Variants in SNX4 observed in about 807,000 individuals in gnomAD.
The protein encoded by SNX4 is sorting nexin-4.
Under a neutral mutation model 70.8 loss-of-function variants are expected in SNX4, and 49 were observed. The ratio of observed to expected loss-of-function variants is 0.69; its 90% CI spans 0.55 to 0.88. SNX4 has a LOEUF of 0.88. Ranked by LOEUF, SNX4 falls within the 40% of genes least tolerant of loss-of-function variation. The pLI is 0.00. For missense variants in SNX4, 528 were observed against 544.8 expected, an observed-to-expected ratio of 0.97 and a Z score of 0.31; for synonymous variants, 206 against 183.8, an observed-to-expected ratio of 1.12 and a Z score of -0.98.
At chr3:125,464,353 A>C (rs922428386) in intron 9 of SNX4, among the ~76,000 whole-genome samples, 1 of 151,966 alleles carries the variant, frequency 6.6e-6, no homozygotes. Context: ...CCTTCTTAAC[A>C]ATGTTTTCCA....
intron 1 of SNX4, among the ~76,000 whole-genome samples, chr3:125,509,490 G>A (rs887308352): frequency 6.6e-6 from 1 of 152,022 alleles, no homozygotes; most frequent in Non-Finnish European, 1.5e-5. Context: ...GGTGGCTCAC[G>A]CCTGTAATCC....
intron 5 of SNX4, among the ~76,000 whole-genome samples, chr3:125,495,303 T>C (rs1039187747): frequency 4.9e-5 from 5 of 101,212 alleles, no homozygotes; most frequent in Non-Finnish European, 8.9e-5. Flanking sequence ...CACACGTATG[T>C]TATTTACATA....
intron 5 of SNX4, 61 bp from the exon 6 acceptor site, chr3:125,489,524 T>C (rs1327906582): frequency 2.2e-6 from 3 of 1,351,892 alleles, no homozygotes; most frequent in African/African-American, 1.4e-5. Context: ...ATTCAAACAA[T>C]TTTACTTTCC....
At chr3:125,505,805 T>C (rs1935032207) in intron 1 of SNX4, among the ~76,000 whole-genome samples, 1 of 152,196 alleles carries the variant, frequency 6.6e-6, no homozygotes, top group Non-Finnish European at 1.5e-5. Context: ...GTTAAAAACT[T>C]GGACCTTCAG....
At chr3:125,479,302 C>G (rs1432421093) in intron 7 of SNX4, among the ~76,000 whole-genome samples, 1 of 152,020 alleles carries the variant, frequency 6.6e-6, no homozygotes, top group East Asian at 1.9e-4. Context: ...GACTATAATC[C>G]CAGCTCTTTG....
chr3:125,494,697 A>C (rs915816808), intron 5 of SNX4, among the ~76,000 whole-genome samples: 3 of 152,198 alleles, frequency 2.0e-5, no homozygotes, highest in African/African-American at 7.2e-5. Context: ...ATTTTGAACA[A>C]ACAATCCCAT....
chr3:125,484,472 C>T (rs1559817876), intron 6 of SNX4, among the ~76,000 whole-genome samples: 1 of 152,030 alleles, frequency 6.6e-6, no homozygotes, highest in East Asian at 1.9e-4. Flanking sequence ...CCAGGCTGCC[C>T]TCGAACTTCT....
At chr3:125,492,107 C>CAAAAAAAAAAAAAAAAAAAAAA (rs60558490) in intron 5 of SNX4, among the ~76,000 whole-genome samples, 1 of 47,398 alleles carries the variant, frequency 2.1e-5, no homozygotes, top group Non-Finnish European at 4.0e-5. Context: ...GACTCCATCT[C>CAAAAAAAAAAAAAAAAAAAAAA]AAAAAAAAAA....
chr3:125,517,574 G>C lies in SNX4; in HGVS notation c.141+2458C>G, dbSNP rs529459329. On this transcript the variant is annotated intron_variant, in intron 1 of 13. Transcript: ENST00000251775. ...TCTTTGAGGGGAGAGGAGGGGAAGG[G>C]GAAGGAATGCACTGAATGTATGTTT... Among the ~76,000 whole-genome samples, 16 of 152,314 alleles carry C rather than the reference G, an allele frequency of 1.1e-4. No homozygotes were observed. The South Asian group carries it at 3.1e-3, about 30-fold the overall frequency.
intron 12 of SNX4, among the ~76,000 whole-genome samples, chr3:125,453,068 C>T (rs914447032): frequency 4.6e-5 from 7 of 152,178 alleles, no homozygotes; most frequent in Non-Finnish European, 8.8e-5. Context: ...AAAAATGAGT[C>T]AAACAGTGAT....
chr3:125,451,031 C>T lies in SNX4; in HGVS notation c.1305+274G>A, dbSNP rs565524096. On this transcript the variant is annotated intron_variant, in intron 13 of 13. Transcript: ENST00000251775. Reference sequence around the variant, plus strand: ...CTGTAATTGCAGCACTTTGGGAGGCCGAGGCAGGAGGACTATATGAGGCCA... The same window carrying T: ...CTGTAATTGCAGCACTTTGGGAGGCTGAGGCAGGAGGACTATATGAGGCCA... Among the ~76,000 whole-genome samples, 92 of 151,904 alleles carry T rather than the reference C, an allele frequency of 6.1e-4. 1 individual carries two copies. The highest frequency in any genetic ancestry group is 4.3e-3 in the Admixed American group (66 of 15,224).
intron 13 of SNX4, among the ~76,000 whole-genome samples, chr3:125,449,549 A>AT (rs1376209102): frequency 6.6e-6 from 1 of 152,190 alleles, no homozygotes. Flanking sequence ...ATAAAAATCT[A>AT]TATCACTTAG....
chr3:125,487,603 G>A (rs528553573), intron 6 of SNX4, among the ~76,000 whole-genome samples: 66 of 151,984 alleles, frequency 4.3e-4, no homozygotes, highest in African/African-American at 1.5e-3. Flanking sequence ...TTTTTTTGAG[G>A]GTGACTTATA....
In SNX4 at chr3:125,497,889, A is replaced by G. The variant is rs1473076703; in HGVS notation, c.494T>C (p.Ile165Thr). The G allele has an allele frequency of 1.1e-5, 17 of 1,614,020 alleles. No individual in the cohort carries two copies. The highest frequency in any genetic ancestry group is 1.4e-5 in the Non-Finnish European group (17 of 1,179,994). The change falls in exon 4 of 14, where the codon ATT becomes ACT. Residue 165 changes from isoleucine (I) to threonine (T), a missense_variant. By Grantham distance (89) the Ile-to-Thr change is moderately conservative. Transcript: ENST00000251775. ...TCTACAAAGGATGGGATGTGAAGCA[A>G]TCCTCAAGAGAAAGTTTTCTAAACC... Reference protein sequence around the residue: ...RIGLENFLLRIASHPILCRDK... With the variant: ...RIGLENFLLRTASHPILCRDK...
intron 1 of SNX4, among the ~76,000 whole-genome samples, chr3:125,509,325 C>T (rs1935116635): frequency 7.4e-6 from 1 of 135,274 alleles, no homozygotes; most frequent in Non-Finnish European, 1.6e-5. Context: ...AGCGAAACTC[C>T]GTCTCAAAAA....
intron 5 of SNX4, among the ~76,000 whole-genome samples, chr3:125,493,182 A>G (rs966338761): frequency 6.6e-5 from 10 of 152,138 alleles, no homozygotes; most frequent in African/African-American, 2.2e-4. Flanking sequence ...CTCCTGGGCT[A>G]AAGTGATCCT....
At chr3:125,458,476 G>A (rs1485991610) in intron 10 of SNX4, among the ~76,000 whole-genome samples, 3 of 152,072 alleles carry the variant, frequency 2.0e-5, no homozygotes, top group Non-Finnish European at 4.4e-5. Context: ...GCCTAGAAAT[G>A]TTTATTAGTT....
chr3:125,506,949 C>T (rs1191565238), intron 1 of SNX4, among the ~76,000 whole-genome samples: 2 of 148,530 alleles, frequency 1.3e-5, no homozygotes, highest in Non-Finnish European at 3.0e-5. Context: ...TGCCTGTAAT[C>T]CCAGCACTTT....
chr3:125,502,551 T>C (rs1280035063), intron 2 of SNX4, among the ~76,000 whole-genome samples: 2 of 151,906 alleles, frequency 1.3e-5, no homozygotes, highest in Non-Finnish European at 2.9e-5. Flanking sequence ...ATGAAAATGG[T>C]AGGTTAAAAT....
Sources: gnomAD v4.1 joint callset for allele counts (sites outside exome capture counted in the v4.1 genomes callset) on GRCh38, gnomAD v4.1.1 for gene constraint, MANE v1.5 for transcripts, NCBI Gene and HGNC (gene_info 2026-07-23, HGNC 2026-07-21) for gene names.